Variants in ANKRD11 observed in about 807,000 individuals in gnomAD.
ANKRD11 encodes ankyrin repeat domain-containing protein 11.
In ANKRD11, 17 loss-of-function variants were observed where a neutral mutation model predicts 195.7. The observed-to-expected ratio is 0.09, with a 90% CI of 0.06 to 0.13. The LOEUF is 0.13. ANKRD11 is among the 10% of genes least tolerant of loss of function. The pLI is 1.00. For missense variants in ANKRD11, 3,735 were observed against 3,566.1 expected, an observed-to-expected ratio of 1.05 and a Z score of -1.21; for synonymous variants, 1,953 against 1,528.1, an observed-to-expected ratio of 1.28 and a Z score of -6.49.
At chr16:89,413,091 G>A (rs993381402) in intron 2 of ANKRD11, among the ~76,000 whole-genome samples, 2 of 152,236 alleles carry the variant, frequency 1.3e-5, no homozygotes, top group African/African-American at 2.4e-5. Flanking sequence ...AGGGGGCGCC[G>A]CTCAGCCACA....
At chr16:89,299,214 G>C in intron 4 of ANKRD11, 1 of 163,402 alleles carries the variant, frequency 6.1e-6, no homozygotes, top group Admixed American at 6.3e-5. Context: ...TAGGGAAGGA[G>C]ATAGTGTGGA....
chr16:89,286,575 G>A (rs1015390533), intron 7 of ANKRD11: 3 of 912,152 alleles, frequency 3.3e-6, no homozygotes, highest in Admixed American at 3.6e-5. Context: ...GTGCCGGAGT[G>A]GTCGTGGAGG....
intron 4 of ANKRD11, among the ~76,000 whole-genome samples, chr16:89,296,639 C>A (rs546213322): frequency 6.6e-6 from 1 of 152,244 alleles, no homozygotes; most frequent in Non-Finnish European, 1.5e-5. Flanking sequence ...CATCCCAGCA[C>A]GTGAGGTCCC....
intron 3 of ANKRD11, among the ~76,000 whole-genome samples, chr16:89,312,610 T>TG (rs2036671199): frequency 6.7e-6 from 1 of 148,518 alleles, no homozygotes; most frequent in African/African-American, 2.5e-5. Context: ...AGTGAAAAGA[T>TG]GGACAGAAAT....
At chr16:89,371,866 G>C (rs1420781290) in intron 2 of ANKRD11, among the ~76,000 whole-genome samples, 1 of 152,226 alleles carries the variant, frequency 6.6e-6, no homozygotes. Flanking sequence ...AGGAAAGGGA[G>C]GTAGACCTGG....
At chr16:89,328,593 G>GC (rs1287927011) in intron 2 of ANKRD11, among the ~76,000 whole-genome samples, 4 of 151,662 alleles carry the variant, frequency 2.6e-5, no homozygotes, top group Non-Finnish European at 4.4e-5. Context: ...AGGCGTACGG[G>GC]TGAATCTGCA....
intron 6 of ANKRD11, 61 bp downstream of exon 6, chr16:89,290,564 C>T (rs530101224): frequency 2.0e-6 from 3 of 1,520,286 alleles, no homozygotes; most frequent in Non-Finnish European, 2.7e-6. Flanking sequence ...CAGGACTCCA[C>T]TGGGGGAGGC....
chr16:89,467,437 G>A (rs1208614147), intron 1 of ANKRD11, among the ~76,000 whole-genome samples: 1 of 152,200 alleles, frequency 6.6e-6, no homozygotes, highest in Non-Finnish European at 1.5e-5. Flanking sequence ...GTAAGACCTT[G>A]TCTCTAAAAA....
intron 2 of ANKRD11, among the ~76,000 whole-genome samples, chr16:89,395,424 A>G (rs117442689): frequency 0.012 from 1,799 of 152,328 alleles, 53 homozygotes; most frequent in Admixed American, 0.055. Flanking sequence ...AAGATCAAAG[A>G]GAGGAGACAG....
intron 2 of ANKRD11, among the ~76,000 whole-genome samples, chr16:89,337,983 A>G (rs1482447623): frequency 6.6e-6 from 1 of 152,178 alleles, no homozygotes; most frequent in Non-Finnish European, 1.5e-5. Context: ...CCCACGGGTG[A>G]CAAGCAACAC....
At chr16:89,305,464 G>T in intron 3 of ANKRD11, 120 bp from the exon 4 acceptor site, 1 of 1,375,234 alleles carries the variant, frequency 7.3e-7, no homozygotes, top group Non-Finnish European at 1.0e-6. Flanking sequence ...CACCCTCCCT[G>T]CACCCCAGGG....
chr16:89,399,248 C>T (rs1002329929), intron 2 of ANKRD11, among the ~76,000 whole-genome samples: 10 of 152,060 alleles, frequency 6.6e-5, no homozygotes, highest in African/African-American at 1.7e-4. Context: ...TTCATTTATC[C>T]GTAAGAGAAG....
intron 3 of ANKRD11, among the ~76,000 whole-genome samples, chr16:89,312,931 A>G (rs938651347): frequency 6.6e-6 from 1 of 152,154 alleles, no homozygotes; most frequent in Non-Finnish European, 1.5e-5. Context: ...ATCTTCGGGG[A>G]GGGGCCTCAG....
In ANKRD11 at chr16:89,305,078, G is replaced by T. The variant is rs2036099759; in HGVS notation, c.226+128C>A. On this transcript the variant is annotated intron_variant, in intron 4 of 12. Transcript: ENST00000301030. ...CTCCGCCCCTGCTGCCTCTTGCCTG[G>T]ACGGCGTGCAGGGTGCTAGAGTGCG... 2.8e-6 allele frequency: 4 copies of T among 1,405,606 alleles called. No homozygotes were observed. The South Asian group carries it at 4.1e-5, about 14-fold the overall frequency. 87.1% of individuals were successfully genotyped at this position (1,405,606 alleles called of 1,614,324 possible). A position where few individuals can be genotyped will look rare whatever the true frequency, so the allele number is the denominator to read the frequency against.
chr16:89,326,963 A>T (rs1055676258), intron 2 of ANKRD11, among the ~76,000 whole-genome samples: 1 of 152,022 alleles, frequency 6.6e-6, no homozygotes, highest in African/African-American at 2.4e-5. Context: ...AAGCAGGTAC[A>T]GCAAGAAGTC....
chr16:89,288,310 C>T (rs879274565), intron 7 of ANKRD11: 37 of 725,272 alleles, frequency 5.1e-5, no homozygotes, highest in Non-Finnish European at 8.9e-5. Context: ...TCATAGATGG[C>T]ACTTGCTGGG....
At chr16:89,288,471 C>T (rs1457785989) in intron 7 of ANKRD11, 57 bp downstream of exon 7, 1 of 1,613,134 alleles carries the variant, frequency 6.2e-7, no homozygotes, top group East Asian at 2.2e-5. Context: ...AACAAAGCTA[C>T]AGAACCACCC....
chr16:89,331,879 G>A (rs912660316), intron 2 of ANKRD11, among the ~76,000 whole-genome samples: 3 of 151,726 alleles, frequency 2.0e-5, no homozygotes, highest in Non-Finnish European at 4.4e-5. Flanking sequence ...GTTTGGTTCC[G>A]GGTTAACGGG....
intron 2 of ANKRD11, among the ~76,000 whole-genome samples, chr16:89,407,668 T>TAAAC (rs1555569285): frequency 1.3e-5 from 2 of 150,704 alleles, no homozygotes; most frequent in African/African-American, 4.9e-5. Flanking sequence ...CAAACACACA[T>TAAAC]ACACACACAC....
Sources: allele counts gnomAD v4.1 joint callset (sites outside exome capture counted in the v4.1 genomes callset), GRCh38; gene constraint gnomAD v4.1.1; transcripts MANE v1.5; gene names NCBI Gene and HGNC (gene_info 2026-07-23, HGNC 2026-07-21).